Variants in ECE1 observed in about 807,000 individuals in gnomAD.
ECE1 encodes endothelin converting enzyme 1, also known as endothelin-converting enzyme 1.
Under a neutral mutation model 98.6 loss-of-function variants are expected in ECE1, and 35 were observed. That is an observed-to-expected ratio of 0.35 (90% CI 0.27 to 0.47). ECE1 has a LOEUF of 0.47. Among genes scored for constraint, ECE1 ranks in the 20% least tolerant of loss-of-function variants. ECE1 has a pLI of 1.00. For synonymous variants in ECE1, 394 were observed against 407.1 expected (o/e 0.97, Z 0.39); for missense variants, 814 against 1,025.3 (o/e 0.79, Z 2.81).
chr1:21,263,361 A>AT (rs34915173), intron 4 of ECE1, among the ~76,000 whole-genome samples: 22,793 of 128,112 alleles, frequency 0.18, 2,009 homozygotes, highest in African/African-American at 0.25. Context: ...TTTTATATTT[A>AT]TTTTTTTTTT....
At chr1:21,315,542 C>T (rs1638812845) in intron 1 of ECE1, among the ~76,000 whole-genome samples, 1 of 152,082 alleles carries the variant, frequency 6.6e-6, no homozygotes, top group African/African-American at 2.4e-5. Context: ...GTTTGTAGTC[C>T]CAGCACTTTG....
intron 12 of ECE1, among the ~76,000 whole-genome samples, chr1:21,236,377 C>T (rs919863319): frequency 1.2e-4 from 18 of 152,156 alleles, no homozygotes; most frequent in African/African-American, 3.1e-4. Flanking sequence ...TCACCGGGCG[C>T]GGTGGCTTAT....
intron 2 of ECE1, among the ~76,000 whole-genome samples, chr1:21,280,871 GA>G (rs879519271): frequency 7.5e-5 from 11 of 147,624 alleles, no homozygotes; most frequent in African/African-American, 1.2e-4. Flanking sequence ...ACTTTCTGTG[GA>G]AAAAAAAAAA....
rs552858900 is a variant in ECE1, at chr1:21,260,811, A to G, written c.494-419T>C. Among the ~76,000 whole-genome samples, 2 of 152,244 alleles carry G rather than the reference A, an allele frequency of 1.3e-5. No homozygotes were observed. The highest frequency in any genetic ancestry group is 6.5e-5 in the Admixed American group (1 of 15,296). ...CCAGATGATCTTTCTTGTGATAAAG[A>G]CTGAAGTTGGATGGAAACTCAAAAG... On this transcript the variant is annotated intron_variant, in intron 4 of 18. Coordinates refer to ENST00000374893, the MANE Select transcript of ECE1 (RefSeq NM_001397.3). The surrounding 1 kb of genome is among the most constrained non-coding windows in gnomAD (Gnocchi z 4.3).
At chr1:21,279,372 C>A (rs988458028) in intron 2 of ECE1, 40 bp from the exon 3 acceptor site, 4 of 1,613,614 alleles carry the variant, frequency 2.5e-6, no homozygotes, top group Non-Finnish European at 3.4e-6. Context: ...AAGACGTGAG[C>A]CCCGGGCCCC....
At position 21,220,608 on chromosome 1, in the gene ECE1, C is replaced by A. The variant is rs1283201816; in HGVS notation, c.2137-477G>T. ...GGCCAGGAGTTCGAGACCGGCCTGACAAACATGGTGAAACCCTGTCTCTAC... is the reference window on the plus strand; with the variant it reads ...GGCCAGGAGTTCGAGACCGGCCTGAAAAACATGGTGAAACCCTGTCTCTAC... On this transcript the variant is annotated intron_variant, in intron 18 of 18. Coordinates refer to ENST00000374893, the MANE Select transcript of ECE1 (RefSeq NM_001397.3). This position sits in a 1 kb window ranked among gnomAD's most constrained non-coding sequence, Gnocchi z 5.0. 6.6e-6 allele frequency among the ~76,000 whole-genome samples: 1 copy of A among 152,098 alleles called. No homozygotes were observed. Among genetic ancestry groups the A allele is most frequent in the Non-Finnish European group, 1.5e-5 (1 of 68,022 alleles).
At chr1:21,270,498 C>T (rs1329410562) in intron 4 of ECE1, among the ~76,000 whole-genome samples, 4 of 152,234 alleles carry the variant, frequency 2.6e-5, no homozygotes, top group African/African-American at 9.6e-5. Flanking sequence ...CTCTGCCACT[C>T]ACTAGCCTAT....
Position 21,260,200 on chromosome 1 carries a change from T to G in ECE1, c.615+71A>C. 1.2e-6 allele frequency: 2 copies of G among 1,609,918 alleles called. No individual in the cohort carries two copies. The highest frequency in any genetic ancestry group is 3.3e-5 in the Admixed American group (2 of 59,970). ...AGGTGGGCCAGTGGTACCAGAAGGCTGGAGTGGAAGCCAGGGGGCGGGCAG... is the reference window on the plus strand; with the variant it reads ...AGGTGGGCCAGTGGTACCAGAAGGCGGGAGTGGAAGCCAGGGGGCGGGCAG... On this transcript the variant is annotated intron_variant, in intron 5 of 18. Coordinates refer to ENST00000374893, the MANE Select transcript of ECE1 (RefSeq NM_001397.3). The surrounding 1 kb of genome is among the most constrained non-coding windows in gnomAD (Gnocchi z 4.3).
At position 21,272,919 on chromosome 1, in the gene ECE1, G is replaced by A. The variant is rs769924428; in HGVS notation, c.281-8C>T. The A allele has an allele frequency of 1.2e-6, 2 of 1,614,036 alleles. No homozygotes were observed. Among genetic ancestry groups the A allele is most frequent in the Admixed American group, 3.3e-5 (2 of 60,018 alleles). ...GGCACACAGAGGGGGATCCTGGAAGGGTTAAGGACAAGAGGCCAGTGAAGG... is the reference window on the plus strand; with the variant it reads ...GGCACACAGAGGGGGATCCTGGAAGAGTTAAGGACAAGAGGCCAGTGAAGG... On this transcript the variant is annotated splice_polypyrimidine_tract_variant and splice_region_variant and intron_variant, in intron 3 of 18. Coordinates refer to ENST00000374893, the MANE Select transcript of ECE1 (RefSeq NM_001397.3).
In ECE1 at chr1:21,260,247, G is replaced by A; in HGVS notation, c.615+24C>T. 1 of 1,614,192 alleles carries A rather than the reference G, an allele frequency of 6.2e-7. No homozygotes were observed. The highest frequency in any genetic ancestry group is 8.5e-7 in the Non-Finnish European group (1 of 1,180,026). ...GCAGGTGGCATGGGCCGGGGCTTGG[G>A]GAGGGAGAGCCCGAGGCACTCACCC... On this transcript the variant is annotated intron_variant, in intron 5 of 18. Transcript: ENST00000374893. The surrounding 1 kb of genome is among the most constrained non-coding windows in gnomAD (Gnocchi z 4.3).
At chr1:21,342,528 G>T (rs1193733326) in intron 1 of ECE1, among the ~76,000 whole-genome samples, 1 of 152,054 alleles carries the variant, frequency 6.6e-6, no homozygotes, top group Non-Finnish European at 1.5e-5. Context: ...AGAGACGTGG[G>T]TGGGGAGCTG....
At chr1:21,330,672 A>G (rs769108558) in intron 1 of ECE1, among the ~76,000 whole-genome samples, 8 of 152,148 alleles carry the variant, frequency 5.3e-5, no homozygotes, top group Admixed American at 1.3e-4. Context: ...TTTGAATGCC[A>G]ACTTTTTCAG....
chr1:21,312,100 G>C (rs1478806449), intron 1 of ECE1, among the ~76,000 whole-genome samples: 2 of 142,376 alleles, frequency 1.4e-5, no homozygotes, highest in East Asian at 4.1e-4. Context: ...TCCAGCCTGA[G>C]CGACAGAGTG....
At chr1:21,239,262 C>T (rs574433396) in intron 10 of ECE1, among the ~76,000 whole-genome samples, 9 of 152,344 alleles carry the variant, frequency 5.9e-5, no homozygotes, top group African/African-American at 1.7e-4. Flanking sequence ...GGCCCAGGGA[C>T]GCGTGCTGGG....
intron 4 of ECE1, among the ~76,000 whole-genome samples, chr1:21,271,874 T>C (rs2098240608): frequency 6.6e-6 from 1 of 151,924 alleles, no homozygotes; most frequent in Non-Finnish European, 1.5e-5. Context: ...CTAAGGATGA[T>C]TCCCGCCTAC....
intron 4 of ECE1, among the ~76,000 whole-genome samples, chr1:21,270,921 C>T (rs1339993894): frequency 1.3e-5 from 2 of 152,150 alleles, no homozygotes; most frequent in Non-Finnish European, 2.9e-5. Context: ...GGACTATGGG[C>T]CCTGCCAAGC....
chr1:21,256,220 C>A, intron 7 of ECE1, 82 bp from the exon 8 acceptor site: 1 of 1,485,036 alleles, frequency 6.7e-7, no homozygotes, highest in African/African-American at 1.4e-5. Flanking sequence ...CTTGGCCAGC[C>A]AAGTCCGGCA....
At position 21,303,941 on chromosome 1, in the gene ECE1, G is replaced by A. The variant is rs111746618; in HGVS notation, c.4-13785C>T. Among the ~76,000 whole-genome samples the A allele has an allele frequency of 1.1e-4, 16 of 151,762 alleles. 1 individual carries two copies. The highest frequency in any genetic ancestry group is 2.7e-4 in the African/African-American group (11 of 41,372). On this transcript the variant is annotated intron_variant, in intron 1 of 18. Coordinates refer to the ECE1 transcript ENST00000415912. ...GTTGGGATTACAGGCATGAGTCACC[G>A]TGCCTGGCTTAGAAAAGTTTTTGAA...
At chr1:21,292,501 T>C (rs1638224320), upstream of ECE1, among the ~76,000 whole-genome samples, 1 of 152,244 alleles carries the variant, frequency 6.6e-6, no homozygotes, top group Admixed American at 6.5e-5. Context: ...CCAAATTCTC[T>C]GTTACAGCAT....
Sources: allele counts gnomAD v4.1 joint callset (sites outside exome capture counted in the v4.1 genomes callset), GRCh38; gene constraint gnomAD v4.1.1; non-coding constraint Gnocchi (gnomAD v3.1); transcripts MANE v1.5; gene names NCBI Gene and HGNC (gene_info 2026-07-23, HGNC 2026-07-21).